Variants in FHIT observed in about 807,000 individuals in gnomAD.
FHIT encodes the protein bis(5'-adenosyl)-triphosphatase.
Under a neutral mutation model 17.9 loss-of-function variants are expected in FHIT, and 19 were observed. The ratio of observed to expected loss-of-function variants is 1.06; its 90% CI spans 0.74 to 1.56. FHIT has a LOEUF of 1.56. Among genes scored for constraint, FHIT ranks in the 40% most tolerant of loss-of-function variants. FHIT has a pLI of 0.00. For synonymous variants in FHIT, 81 were observed against 69.7 expected, an observed-to-expected ratio of 1.16 and a Z score of -0.81; for missense variants, 248 against 189.2, an observed-to-expected ratio of 1.31 and a Z score of -1.82.
intron 4 of FHIT, among the ~76,000 whole-genome samples, chr3:60,538,943 G>T (rs1340903455): frequency 3.3e-5 from 5 of 151,900 alleles, no homozygotes; most frequent in African/African-American, 1.2e-4. Flanking sequence ...TGACAAATGG[G>T]TTCTAATTAA....
intron 5 of FHIT, among the ~76,000 whole-genome samples, chr3:60,309,059 T>A (rs1320533929): frequency 2.6e-5 from 4 of 152,146 alleles, no homozygotes; most frequent in Non-Finnish European, 5.9e-5. Flanking sequence ...GTAAACAGGA[T>A]TCATTAGAGT....
intron 8 of FHIT, among the ~76,000 whole-genome samples, chr3:59,895,175 C>T (rs750404727): frequency 6.6e-6 from 1 of 152,168 alleles, no homozygotes; most frequent in Admixed American, 6.5e-5. Flanking sequence ...TCTGAATCTT[C>T]GGGTACAAAA....
intron 5 of FHIT, among the ~76,000 whole-genome samples, chr3:60,057,785 C>T (rs1702140360): frequency 1.3e-5 from 2 of 151,760 alleles, no homozygotes; most frequent in African/African-American, 4.8e-5. Context: ...AGGATTGCTT[C>T]CTTGCCTCTC....
intron 3 of FHIT, among the ~76,000 whole-genome samples, chr3:60,978,088 A>C (rs1230289682): frequency 6.6e-6 from 1 of 152,146 alleles, no homozygotes; most frequent in African/African-American, 2.4e-5. Flanking sequence ...GAAAAAATAC[A>C]CCTGACTCCT....
At chr3:60,268,695 G>C (rs1706711770) in intron 5 of FHIT, among the ~76,000 whole-genome samples, 1 of 152,172 alleles carries the variant, frequency 6.6e-6, no homozygotes, top group Admixed American at 6.5e-5. Context: ...AGTAGGTGTA[G>C]GTGTGGTCGA....
At chr3:60,901,691 AATG>A (rs1553763215) in intron 3 of FHIT, among the ~76,000 whole-genome samples, 2 of 152,218 alleles carry the variant, frequency 1.3e-5, no homozygotes, top group Admixed American at 1.3e-4. Context: ...TCTCTACAAT[AATG>A]TCATTCTCAT....
intron 4 of FHIT, among the ~76,000 whole-genome samples, chr3:60,555,999 T>A (rs2107634501): frequency 6.6e-6 from 1 of 152,344 alleles, no homozygotes; most frequent in Non-Finnish European, 1.5e-5. Flanking sequence ...TTGCCTTCCT[T>A]ATAATAACAC....
At chr3:60,214,779 A>G (rs1183521795) in intron 5 of FHIT, among the ~76,000 whole-genome samples, 3 of 152,178 alleles carry the variant, frequency 2.0e-5, no homozygotes, top group Admixed American at 6.5e-5. Flanking sequence ...GCCCATCAAC[A>G]GTGAACTGGA....
At chr3:60,938,447 G>A (rs1233933367) in intron 3 of FHIT, among the ~76,000 whole-genome samples, 2 of 152,172 alleles carry the variant, frequency 1.3e-5, no homozygotes, top group Non-Finnish European at 2.9e-5. Context: ...ACACACTCAT[G>A]AGACCAACAT....
At chr3:60,410,755 G>T (rs1702031268) in intron 5 of FHIT, among the ~76,000 whole-genome samples, 1 of 152,044 alleles carries the variant, frequency 6.6e-6, no homozygotes, top group African/African-American at 2.4e-5. Context: ...TAGGACAGAG[G>T]ATTCAAGACC....
At chr3:60,803,952 C>T (rs1249385143) in intron 4 of FHIT, among the ~76,000 whole-genome samples, 1 of 152,178 alleles carries the variant, frequency 6.6e-6, no homozygotes, top group Non-Finnish European at 1.5e-5. Context: ...CAGTGGCTCC[C>T]GTACTGAGGT....
At chr3:60,421,542 A>T (rs2107264737) in intron 5 of FHIT, among the ~76,000 whole-genome samples, 1 of 152,230 alleles carries the variant, frequency 6.6e-6, no homozygotes, top group Admixed American at 6.6e-5. Flanking sequence ...ACTAGGAGAA[A>T]ATCATGATGC....
At chr3:60,315,555 G>A (rs75185190) in intron 5 of FHIT, among the ~76,000 whole-genome samples, 16,605 of 152,148 alleles carry the variant, frequency 0.11, 1,004 homozygotes, top group Non-Finnish European at 0.13. Flanking sequence ...TAGAAGGTAC[G>A]CTCTAGCATC....
chr3:60,440,582 G>C (rs2030709085), intron 5 of FHIT, among the ~76,000 whole-genome samples: 1 of 152,064 alleles, frequency 6.6e-6, no homozygotes, highest in African/African-American at 2.4e-5. Flanking sequence ...AGGAACCTCA[G>C]CGTTAAAAAC....
intron 5 of FHIT, among the ~76,000 whole-genome samples, chr3:60,453,030 A>C (rs888539706): frequency 6.6e-6 from 1 of 152,248 alleles, no homozygotes. Context: ...AGTTCAAAGT[A>C]CAAAATGAAC....
chr3:60,742,922 G>A (rs189817850), intron 4 of FHIT, among the ~76,000 whole-genome samples: 7 of 152,356 alleles, frequency 4.6e-5, no homozygotes, highest in African/African-American at 1.2e-4. Context: ...TATGCAGAAG[G>A]AAAATAATAC....
At chr3:59,856,713 TTCCTTCTTTGC>T (rs1299288168) in intron 8 of FHIT, among the ~76,000 whole-genome samples, 105 of 152,356 alleles carry the variant, frequency 6.9e-4, no homozygotes, top group African/African-American at 2.4e-3. Context: ...AAGACTCAGT[TTCCTTCTTTGC>T]AAAATGGCTT....
intron 8 of FHIT, among the ~76,000 whole-genome samples, chr3:59,864,832 GA>G (rs1553700021): frequency 0.01 from 1,421 of 137,280 alleles, 11 homozygotes; most frequent in South Asian, 0.043. Flanking sequence ...AAGAGAGAGA[GA>G]AAAAAAAAAA....
At chr3:60,428,446 C>T (rs1039315139) in intron 5 of FHIT, among the ~76,000 whole-genome samples, 3 of 152,140 alleles carry the variant, frequency 2.0e-5, no homozygotes, top group East Asian at 1.9e-4. Flanking sequence ...TCAGGGTAAA[C>T]TGAATCAATG....
Sources: allele counts gnomAD v4.1 joint callset (sites outside exome capture counted in the v4.1 genomes callset), GRCh38; gene constraint gnomAD v4.1.1; transcripts MANE v1.5; gene names NCBI Gene and HGNC (gene_info 2026-07-23, HGNC 2026-07-21).